Variants in METTL15 observed in about 807,000 individuals in gnomAD.
The protein encoded by METTL15 is methyltransferase 15, mitochondrial 12S rRNA N4-cytidine.
METTL15 carries 34 observed loss-of-function variants against 38.3 expected under a neutral mutation model. The observed-to-expected ratio is 0.89, with a 90% CI of 0.68 to 1.18. The LOEUF is 1.18. METTL15 is among the 50% of genes most tolerant of loss of function. The pLI, the probability that METTL15 is intolerant of heterozygous loss-of-function variation, is 0.00. For synonymous variants in METTL15, 162 were observed against 170.9 expected (o/e 0.95, Z 0.41); for missense variants, 438 against 498.4 (o/e 0.88, Z 1.15).
At chr11:28,454,475 T>A (rs907486462) in intron 6 of METTL15, among the ~76,000 whole-genome samples, 1 of 152,214 alleles carries the variant, frequency 6.6e-6, no homozygotes, top group Non-Finnish European at 1.5e-5. Flanking sequence ...GTTTTGTGTA[T>A]GAGTCACATA....
chr11:28,367,967 G>A (rs554536992), intron 5 of METTL15, among the ~76,000 whole-genome samples: 2 of 151,856 alleles, frequency 1.3e-5, no homozygotes, highest in South Asian at 2.1e-4. Context: ...AGACTTAAAC[G>A]TAAGACCTAG....
chr11:28,290,335 T>C lies in METTL15; in HGVS notation c.537T>C (p.Thr179=). The change falls in exon 5 of 7, where the codon ACT becomes ACC. Residue 179 remains threonine (T), a synonymous_variant. Coordinates refer to ENST00000407364, the MANE Select transcript of METTL15 (RefSeq NM_001113528.2). ...DLGCSSMQLD[T]PERGFSLRKD... is the part of the protein sequence containing the mutation. ...GGTGTTCCTCCATGCAACTTGATAC[T>C]CCTGAAAGAGGTTTTTCCCTTCGGA... 6.2e-7 allele frequency: 1 copy of C among 1,613,522 alleles called. No individual in the cohort carries two copies. The highest frequency in any genetic ancestry group is 8.5e-7 in the Non-Finnish European group (1 of 1,179,634).
intron 3 of METTL15, among the ~76,000 whole-genome samples, chr11:28,348,511 G>A (rs923409095): frequency 6.6e-6 from 1 of 152,168 alleles, no homozygotes; most frequent in East Asian, 1.9e-4. Flanking sequence ...GGGACTACAG[G>A]TGCATGCCAC....
chr11:28,132,582 T>G (rs1001810811), intron 3 of METTL15, among the ~76,000 whole-genome samples: 7 of 152,144 alleles, frequency 4.6e-5, no homozygotes, highest in Admixed American at 1.3e-4. Context: ...AAGTTTGTCT[T>G]GCGGAGGGTT....
At chr11:28,162,026 A>G (rs1850483980) in intron 3 of METTL15, among the ~76,000 whole-genome samples, 1 of 152,186 alleles carries the variant, frequency 6.6e-6, no homozygotes, top group South Asian at 2.1e-4. Flanking sequence ...TATACCGGGC[A>G]CTGTTCCTCT....
In METTL15 at chr11:28,327,166, A is replaced by G. The variant is rs78119871; in HGVS notation, c.779-3230A>G. On this transcript the variant is annotated intron_variant, in intron 6 of 6. Transcript: ENST00000407364. ...CATTGCTCATTGCAGACCTCTTGTC[A>G]TCTCTTGGTCCCTAAAGATGGGACT... Among the ~76,000 whole-genome samples the G allele has an allele frequency of 9.6e-4, 146 of 152,262 alleles. 2 individuals are homozygous for G. In the East Asian group the frequency reaches 0.023, roughly 24 times the overall value.
At chr11:28,200,711 GTC>G (rs1277932882) in intron 3 of METTL15, among the ~76,000 whole-genome samples, 9 of 152,140 alleles carry the variant, frequency 5.9e-5, no homozygotes, top group African/African-American at 2.2e-4. Context: ...CTCTCTGCTT[GTC>G]TGTTGTTGGT....
intron 5 of METTL15, among the ~76,000 whole-genome samples, chr11:28,396,232 A>T (rs1465512249): frequency 1.3e-5 from 2 of 152,178 alleles, no homozygotes; most frequent in Non-Finnish European, 1.5e-5. Flanking sequence ...TAGTGTTGGA[A>T]GTTCTGACCA....
chr11:28,312,118 C>T (rs1263448526), intron 6 of METTL15, among the ~76,000 whole-genome samples: 1 of 152,218 alleles, frequency 6.6e-6, no homozygotes, highest in Non-Finnish European at 1.5e-5. Context: ...GCGGCCAACT[C>T]ATTTCAGGTA....
At chr11:28,131,303 T>G (rs2133633082) in intron 3 of METTL15, among the ~76,000 whole-genome samples, 1 of 152,276 alleles carries the variant, frequency 6.6e-6, no homozygotes, top group South Asian at 2.1e-4. Flanking sequence ...TGGTAAAGTT[T>G]TCTTACCATC....
chr11:28,111,054 C>T (rs1851696094), intron 2 of METTL15, among the ~76,000 whole-genome samples: 1 of 152,134 alleles, frequency 6.6e-6, no homozygotes. Context: ...TTCTTTAGAG[C>T]ATGCCACACC....
chr11:28,492,670 A>G (rs529581744), intron 6 of METTL15, among the ~76,000 whole-genome samples: 1 of 152,142 alleles, frequency 6.6e-6, no homozygotes, highest in Non-Finnish European at 1.5e-5. Context: ...TTGGAAATCA[A>G]TTCCAACTTT....
chr11:28,431,808 G>GAAAAAAAAAAAAAAAAAA, intron 6 of METTL15, among the ~76,000 whole-genome samples: 1 of 87,074 alleles, frequency 1.1e-5, no homozygotes, highest in Non-Finnish European at 2.2e-5. Context: ...AAAAAAAAAA[G>GAAAAAAAAAAAAAAAAAA]AAAAAAAAAA....
At chr11:28,447,996 T>TC (rs1460783330) in intron 6 of METTL15, among the ~76,000 whole-genome samples, 3 of 152,096 alleles carry the variant, frequency 2.0e-5, no homozygotes, top group African/African-American at 7.2e-5. Flanking sequence ...TGGATCATAG[T>TC]CCCCCCTCCA....
At position 28,353,700 on chromosome 11, in the gene METTL15, T is replaced by C. The variant is rs375874795; in HGVS notation, c.*258+1542T>C. On this transcript the variant is annotated intron_variant and NMD_transcript_variant, in intron 4 of 7. Coordinates refer to the METTL15 transcript ENST00000532947. Reference sequence around the variant, plus strand: ...CAGCACTTTGGGAGGCCGAGGCGGGTGGATCATGAGGTCAGGAGATCGAGA... The same window carrying C: ...CAGCACTTTGGGAGGCCGAGGCGGGCGGATCATGAGGTCAGGAGATCGAGA... Among the ~76,000 whole-genome samples, 8 of 148,202 alleles carry C rather than the reference T, an allele frequency of 5.4e-5. No individual in the cohort carries two copies. In the East Asian group the frequency reaches 6.0e-4, roughly 11 times the overall value.
chr11:28,284,599 G>A (rs529008031), intron 4 of METTL15, among the ~76,000 whole-genome samples: 1 of 152,242 alleles, frequency 6.6e-6, no homozygotes, highest in East Asian at 1.9e-4. Context: ...ACAGTATGGA[G>A]GAAATAGGCT....
At chr11:28,384,955 C>G (rs1383760188) in intron 5 of METTL15, among the ~76,000 whole-genome samples, 1 of 152,114 alleles carries the variant, frequency 6.6e-6, no homozygotes, top group African/African-American at 2.4e-5. Flanking sequence ...TGAAAAGTAT[C>G]AATTCATGTC....
chr11:28,300,613 A>C (rs532592930), intron 6 of METTL15, among the ~76,000 whole-genome samples: 89 of 152,286 alleles, frequency 5.8e-4, no homozygotes, highest in African/African-American at 2.1e-3. Context: ...CAAAGCAGTA[A>C]TTTATAAGCA....
intron 4 of METTL15, among the ~76,000 whole-genome samples, chr11:28,257,211 T>C (rs1011829457): frequency 2.0e-4 from 31 of 152,210 alleles, no homozygotes; most frequent in African/African-American, 7.0e-4. Context: ...TTCATGCCAC[T>C]CTTGCCTGGC....
Sources: allele counts gnomAD v4.1 joint callset (sites outside exome capture counted in the v4.1 genomes callset), GRCh38; gene constraint gnomAD v4.1.1; transcripts MANE v1.5; gene names NCBI Gene and HGNC (gene_info 2026-07-23, HGNC 2026-07-21).